ISL2: variants seen among roughly 807,000 people sequenced by gnomAD.
ISL2 encodes the protein insulin gene enhancer protein ISL-2.
Under a neutral mutation model 34.6 loss-of-function variants are expected in ISL2, and 17 were observed. That is an observed-to-expected ratio of 0.49 (90% CI 0.34 to 0.74). The LOEUF (loss-of-function observed/expected upper bound fraction) is 0.74. Among genes scored for constraint, ISL2 ranks in the 30% least tolerant of loss-of-function variants. The probability of loss-of-function intolerance (pLI) is 0.01; values close to 1 mark genes in which losing one functional copy is unlikely to be tolerated. For missense variants in ISL2, 469 were observed against 515.2 expected (o/e 0.91, Z 0.87); for synonymous variants, 232 against 225.5 (o/e 1.03, Z -0.26).
intron 3 of ISL2, 21 bp downstream of exon 3, chr15:76,338,535 G>C (rs2040169932): frequency 7.7e-7 from 1 of 1,296,378 alleles, no homozygotes; most frequent in African/African-American, 1.5e-5. Flanking sequence ...CGGGGCCTGT[G>C]CCGGGGTGAG....
At chr15:76,339,897 C>G in intron 3 of ISL2, 1 of 1,060,048 alleles carries the variant, frequency 9.4e-7, no homozygotes, top group Non-Finnish European at 1.1e-6. Flanking sequence ...CCTGGGCAAG[C>G]CTCTTTCCTC....
chr15:76,340,524 A>AAGCAGCTGC lies in ISL2; in HGVS notation c.767_775dup (p.Leu256_Gln258dup), dbSNP rs1158039245. The stretch of plus-strand genomic sequence containing the variant: ...GGACAAGAAGAAATCCATTCTCATG[A>AAGCAGCTGC]AGCAGCTGCAGCAGCAGCAGCACAG... On this transcript the variant is annotated inframe_insertion, in exon 4 of 6. Transcript: ENST00000290759. 5.6e-6 allele frequency: 9 copies of AAGCAGCTGC among 1,611,558 alleles called. No homozygotes were observed. In the Admixed American group the frequency reaches 6.7e-5, roughly 12 times the overall value.
chr15:76,337,936 G>A lies in ISL2; in HGVS notation c.217G>A (p.Gly73Arg). The A allele has an allele frequency of 6.2e-7, 1 of 1,608,956 alleles. No individual in the cohort carries two copies. Among genetic ancestry groups the A allele is most frequent in the Non-Finnish European group, 8.5e-7 (1 of 1,177,618 alleles). The change falls in exon 2 of 6, where the codon GGG (glycine) becomes AGG (arginine). Residue 73 changes from glycine (G) to arginine (R), a missense_variant. Coordinates refer to ENST00000290759, the MANE Select transcript of ISL2 (RefSeq NM_145805.3). Reference protein sequence around the residue: ...DETCTCFVRDGKTYCKRDYVR... With the variant: ...DETCTCFVRDRKTYCKRDYVR... Reference sequence around the variant, plus strand: ...GACGTGCACGTGCTTCGTGAGAGACGGGAAGACCTACTGCAAGCGGGACTA... The same window carrying A: ...GACGTGCACGTGCTTCGTGAGAGACAGGAAGACCTACTGCAAGCGGGACTA...
chr15:76,341,383 G>A (rs2040192660), intron 5 of ISL2, 82 bp downstream of exon 5: 10 of 1,381,840 alleles, frequency 7.2e-6, no homozygotes, highest in Non-Finnish European at 8.9e-6. Flanking sequence ...AGAGGGGAGG[G>A]GGTGGCCTTG....
Position 76,337,887 on chromosome 15 carries a change from C to G in ISL2, c.168C>G (p.Ala56=). The G allele has an allele frequency of 6.2e-7, 1 of 1,612,632 alleles. No homozygotes were observed. Among genetic ancestry groups the G allele is most frequent in the Non-Finnish European group, 8.5e-7 (1 of 1,179,718 alleles). Residue 56 remains alanine, a synonymous_variant, in exon 2 of 6, where the codon GCC becomes GCG. Transcript: ENST00000290759. ...GGCACGCGGCCTGCCTCAAGTGTGC[C>G]GAGTGCAGCCAGTACCTGGACGAGA... The part of the protein sequence containing the change: ...LEWHAACLKC[A]ECSQYLDETC...
At chr15:76,340,619 T>G in intron 4 of ISL2, 60 bp downstream of exon 4, 31 of 1,529,502 alleles carry the variant, frequency 2.0e-5, no homozygotes, top group Non-Finnish European at 2.6e-5. Context: ...CGCCGCGGTA[T>G]CTGCGTGCCC....
intron 1 of ISL2, 52 bp from the exon 2 acceptor site, chr15:76,337,726 G>A: frequency 6.8e-7 from 1 of 1,479,616 alleles, no homozygotes; most frequent in Non-Finnish European, 9.1e-7. Context: ...GCCGAGGCCG[G>A]CCTGGGTCCG....
intron 3 of ISL2, 120 bp downstream of exon 3, chr15:76,338,634 A>G: frequency 1.6e-6 from 2 of 1,234,778 alleles, no homozygotes; most frequent in African/African-American, 3.1e-5. Flanking sequence ...CTGCCGGGAT[A>G]GTGTTTTTCT....
intron 4 of ISL2, 40 bp downstream of exon 4, chr15:76,340,599 G>T (rs918133492): frequency 2.5e-6 from 4 of 1,572,416 alleles, no homozygotes; most frequent in Non-Finnish European, 1.7e-6. Flanking sequence ...TCGGGTGGGG[G>T]CTGCGCTTCC....
chr15:76,337,451 C>A, intron 1 of ISL2: 1 of 354,522 alleles, frequency 2.8e-6, no homozygotes, highest in Non-Finnish European at 5.1e-6. Flanking sequence ...GATATCCAGG[C>A]GTCCGCAGTG....
chr15:76,339,922 C>T (rs1316785624), intron 3 of ISL2: 12 of 1,088,884 alleles, frequency 1.1e-5, no homozygotes, highest in African/African-American at 8.3e-5. Flanking sequence ...TCTGAAACTC[C>T]GACTTCTTCC....
At chr15:76,339,150 G>A (rs1313885045) in intron 3 of ISL2, 46 of 985,230 alleles carry the variant, frequency 4.7e-5, no homozygotes, top group Non-Finnish European at 5.1e-5. Flanking sequence ...GGGCAGGTAC[G>A]GCTGAACAGA....
In ISL2 at chr15:76,338,408, C is replaced by T; in HGVS notation, c.405C>T (p.His135=). ...GGGACGAGTTCTCGCTGCGGGAGCA[C>T]GAGCTGCTCTGCCGCGCCGACCACG... ...LPGDEFSLRE[H]ELLCRADHGL... The change falls in exon 3 of 6, where the codon CAC becomes CAT. Residue 135 remains histidine (H), a synonymous_variant. Transcript: ENST00000290759. 1 of 1,524,894 alleles carries T rather than the reference C, an allele frequency of 6.6e-7. No homozygotes were observed. Among genetic ancestry groups the T allele is most frequent in the Middle Eastern group, 1.9e-4 (1 of 5,240 alleles). The allele number at this position is 1,524,894 out of a possible 1,614,324, so 94.5% of individuals were successfully genotyped here.
chr15:76,341,751 C>T lies in ISL2; in HGVS notation c.996C>T (p.Asn332=), dbSNP rs562274150. The T allele has an allele frequency of 6.8e-6, 11 of 1,613,984 alleles. No individual in the cohort carries two copies. The South Asian group carries it at 1.1e-4, about 16-fold the overall frequency. The change falls in exon 6 of 6, where the codon AAC becomes AAT. Residue 332 remains asparagine (N), a synonymous_variant. Coordinates refer to ENST00000290759, the MANE Select transcript of ISL2 (RefSeq NM_145805.3). ...TCTCCGAGTCCGGCTCCCTAGGCAA[C>T]TCCTCCGGCAGCGACGTGACCTCCC... ...VSFSESGSLG[N]SSGSDVTSLS...
chr15:76,340,058 C>A (rs2040181756), intron 3 of ISL2: 1 of 1,384,060 alleles, frequency 7.2e-7, no homozygotes. Flanking sequence ...GAGATCGCTG[C>A]GGGGCAGTCC....
At position 76,341,212 on chromosome 15, in the gene ISL2, G is replaced by C; in HGVS notation, c.874G>C (p.Val292Leu). 2 of 1,612,530 alleles carry C rather than the reference G, an allele frequency of 1.2e-6. No individual in the cohort carries two copies. Among genetic ancestry groups the C allele is most frequent in the East Asian group, 2.2e-5 (1 of 44,834 alleles). The change falls in exon 5 of 6, where the codon GTG becomes CTG. Residue 292 changes from valine (V) to leucine (L), a missense_variant. Physicochemically the swap from Val to Leu is conservative, Grantham distance 32. Coordinates refer to ENST00000290759, the MANE Select transcript of ISL2 (RefSeq NM_145805.3). ...RHENAVQGSA[V>L]EVQTYQPPWK... Reference sequence around the variant, plus strand: ...TGAGAACGCCGTGCAGGGCAGCGCAGTGGAGGTGCAGACGTACCAGCCGCC... The same window carrying C: ...TGAGAACGCCGTGCAGGGCAGCGCACTGGAGGTGCAGACGTACCAGCCGCC...
At position 76,341,238 on chromosome 15, in the gene ISL2, G is replaced by A. The variant is rs761466206; in HGVS notation, c.900G>A (p.Pro300=). 15 of 1,611,298 alleles carry A rather than the reference G, an allele frequency of 9.3e-6. No individual in the cohort carries two copies. The highest frequency in any genetic ancestry group is 2.2e-5 in the South Asian group (2 of 90,572). The change falls in exon 5 of 6, where the codon CCG becomes CCA. Residue 300 remains proline, a synonymous_variant. Transcript: ENST00000290759. ...SAVEVQTYQP[P]WKALSEFALQ... is the part of the protein sequence containing the mutation. ...TGGAGGTGCAGACGTACCAGCCGCC[G>A]TGGAAGGCGCTCAGCGAGTTTGCCC...
intron 3 of ISL2, 44 bp from the exon 4 acceptor site, chr15:76,340,232 G>C (rs1472452713): frequency 6.7e-7 from 1 of 1,494,938 alleles, no homozygotes; most frequent in Non-Finnish European, 8.9e-7. Context: ...GGGCGGGTGG[G>C]TGGCGGCCCC....
In ISL2 at chr15:76,339,942, C is replaced by T. The variant is rs890967042; in HGVS notation, c.512-334C>T. On this transcript the variant is annotated intron_variant, in intron 3 of 5. Coordinates refer to ENST00000290759, the MANE Select transcript of ISL2 (RefSeq NM_145805.3). ...AACTCCGACTTCTTCCGGAGGGCTT[C>T]GCTCGTTCCGAGGGTCCTGCGACTG... 25 of 1,136,696 alleles carry T rather than the reference C, an allele frequency of 2.2e-5. 1 individual carries two copies. In the African/African-American group the frequency reaches 2.3e-4, roughly 10 times the overall value. The allele number at this position is 1,136,696 out of a possible 1,614,324, so 70.4% of individuals were successfully genotyped here.
Sources: gnomAD v4.1 joint callset for allele counts on GRCh38, gnomAD v4.1.1 for gene constraint, MANE v1.5 for transcripts, NCBI Gene and HGNC (gene_info 2026-07-23, HGNC 2026-07-21) for gene names.